COG8: variants seen among roughly 807,000 people sequenced by gnomAD.
COG8 encodes the protein component of oligomeric golgi complex 8.
In COG8, 45 loss-of-function variants were observed where a neutral mutation model predicts 46.5. The ratio of observed to expected loss-of-function variants is 0.97; its 90% CI spans 0.76 to 1.24. The LOEUF (loss-of-function observed/expected upper bound fraction) is 1.24. COG8 is among the 50% of genes most tolerant of loss of function. COG8 has a pLI of 0.00. For synonymous variants in COG8, 407 were observed against 347.8 expected, an observed-to-expected ratio of 1.17 and a Z score of -1.90; for missense variants, 793 against 820.8, an observed-to-expected ratio of 0.97 and a Z score of 0.41.
chr16:69,336,726 G>C lies in COG8; in HGVS notation c.378-14C>G. 6.2e-7 allele frequency: 1 copy of C among 1,611,044 alleles called. No homozygotes were observed. The highest frequency in any genetic ancestry group is 8.5e-7 in the Non-Finnish European group (1 of 1,177,416). On this transcript the variant is annotated splice_polypyrimidine_tract_variant and intron_variant, in intron 1 of 5. Coordinates refer to ENST00000306875, the MANE Select transcript of COG8 (RefSeq NM_032382.5). ...TTCACAAAGTTCCTAGTAATAATCA[G>C]AAGAATGTTGATCCTTCACTGCTCT...
rs1420474931 is a variant in COG8 at position 69,329,039 on chromosome 16, T to C, written c.*167A>G. On this transcript the variant is annotated 3_prime_UTR_variant, in exon 6 of 6. Transcript: ENST00000306875. ...GCAAAGCTTTAGTCATTCACCTTCA[T>C]CCAATAGACGTTTGTGAACGTCCTG... 2.5e-6 allele frequency: 4 copies of C among 1,610,056 alleles called. No individual in the cohort carries two copies. The South Asian group carries it at 4.4e-5, about 18-fold the overall frequency.
At position 69,330,827 on chromosome 16, in the gene COG8, AG is replaced by A; in HGVS notation, c.*11del. 6.5e-7 allele frequency: 1 copy of A among 1,532,766 alleles called. No homozygotes were observed. The highest frequency in any genetic ancestry group is 8.7e-7 in the Non-Finnish European group (1 of 1,143,862). 94.9% of individuals were successfully genotyped at this position (1,532,766 alleles called of 1,614,324 possible). A position where few individuals can be genotyped will look rare whatever the true frequency, so the allele number is the denominator to read the frequency against. ...ACCTCACGCACCGCGTTCTGGAGGC[AG>A]GGGACGCCGGCTAGGGCCCCACGCT... On this transcript the variant is annotated 3_prime_UTR_variant, in exon 5 of 6. Coordinates refer to ENST00000306875, the MANE Select transcript of COG8 (RefSeq NM_032382.5).
At position 69,328,028 on chromosome 16, in the gene COG8, A is replaced by G. The variant is rs1965657416; in HGVS notation, c.*1178T>C. 1 of 152,050 alleles carries G rather than the reference A, an allele frequency of 6.6e-6. No individual in the cohort carries two copies. Among genetic ancestry groups the G allele is most frequent in the South Asian group, 2.1e-4 (1 of 4,820 alleles). The allele number at this position is 152,050 out of a possible 1,614,324, so 9.4% of individuals were successfully genotyped here. On this transcript the variant is annotated 3_prime_UTR_variant, in exon 6 of 6. Coordinates refer to ENST00000306875, the MANE Select transcript of COG8 (RefSeq NM_032382.5). ...CAGTGGCGTGATCTCAGCTCACTGT[A>G]ACCTCCGCCTCCTGGGTTCAAGTAA...
At chr16:69,329,739 A>C (rs1254518504) in intron 5 of COG8, among the ~76,000 whole-genome samples, 1 of 152,200 alleles carries the variant, frequency 6.6e-6, no homozygotes, top group Non-Finnish European at 1.5e-5. Context: ...TGCCTCAGAG[A>C]GCAAGGGAGC....
At chr16:69,329,960 G>A in intron 5 of COG8, 2 of 1,495,468 alleles carry the variant, frequency 1.3e-6, no homozygotes, top group Non-Finnish European at 1.8e-6. Flanking sequence ...AGAGACGCGC[G>A]CGCTGCTCCA....
At chr16:69,329,244 A>AC in intron 5 of COG8, 65 bp from the exon 6 acceptor site, 2 of 1,448,004 alleles carry the variant, frequency 1.4e-6, no homozygotes, top group Non-Finnish European at 1.8e-6. Context: ...CAACCTCCCT[A>AC]CCCCTGCCCC....
intron 4 of COG8, among the ~76,000 whole-genome samples, chr16:69,331,527 C>G (rs1597221937): frequency 7.1e-6 from 1 of 141,664 alleles, no homozygotes; most frequent in Admixed American, 7.2e-5. Context: ...TTTTTTGAGA[C>G]AGTCTCGCTC....
intron 4 of COG8, among the ~76,000 whole-genome samples, chr16:69,331,548 G>T (rs969562859): frequency 6.7e-6 from 1 of 149,376 alleles, no homozygotes; most frequent in Admixed American, 6.7e-5. Flanking sequence ...TGTCGCCCAG[G>T]CTGGAGTGCA....
Position 69,336,655 on chromosome 16 carries a change from G to C in COG8, c.435C>G (p.Thr145=). 6.2e-7 allele frequency: 1 copy of C among 1,614,078 alleles called. No homozygotes were observed. The highest frequency in any genetic ancestry group is 1.3e-5 in the African/African-American group (1 of 75,004). ...ISSNRRMNSL[T]LNRHTEILEI... ...CCAAAATTTCTGTGTGCCGGTTTAG[G>C]GTCAGGCTATTCATCCGGCGGTTGG... is the stretch of plus-strand genomic sequence containing the variant. The change falls in exon 2 of 6, where the codon ACC becomes ACG. Residue 145 remains threonine (T), a synonymous_variant. Transcript: ENST00000306875.
Position 69,335,207 on chromosome 16 carries a change from A to T in COG8, c.727T>A (p.Leu243Met), listed in dbSNP as rs1451368258. 1 of 1,614,016 alleles carries T rather than the reference A, an allele frequency of 6.2e-7. No individual in the cohort carries two copies. Among genetic ancestry groups the T allele is most frequent in the Non-Finnish European group, 8.5e-7 (1 of 1,180,016 alleles). Residue 243 changes from leucine to methionine, a missense_variant, in exon 3 of 6, where the codon TTG becomes ATG. Coordinates refer to ENST00000306875, the MANE Select transcript of COG8 (RefSeq NM_032382.5). ...RRMDVFTEAE[L>M]RVKFLQARDA... Reference sequence around the variant, plus strand: ...CGGGCCTGAAGAAACTTCACCCTCAACTCAGCCTCAGTGAAGACGTCCATG... The same window carrying T: ...CGGGCCTGAAGAAACTTCACCCTCATCTCAGCCTCAGTGAAGACGTCCATG...
chr16:69,334,713 G>T lies in COG8; in HGVS notation c.1221C>A (p.Gly407=), dbSNP rs1187220607. ...YMLISAPAIL[G]TSNMPAAVPA... is the part of the protein sequence containing the mutation. ...GCACAGCAGCAGGCATGTTACTGGT[G>T]CCCAGGATGGCTGGAGCCGAGATGA... Residue 407 remains glycine, a synonymous_variant, in exon 3 of 6, where the codon GGC becomes GGA. Transcript: ENST00000306875. The T allele has an allele frequency of 1.2e-6, 2 of 1,614,200 alleles. No homozygotes were observed. Among genetic ancestry groups the T allele is most frequent in the Non-Finnish European group, 1.7e-6 (2 of 1,180,036 alleles).
At position 69,334,941 on chromosome 16, in the gene COG8, C is replaced by CT. The variant is rs2012110130; in HGVS notation, c.992dup (p.Thr332AspfsTer31). On this transcript the variant is annotated frameshift_variant, in exon 3 of 6. Coordinates refer to ENST00000306875, the MANE Select transcript of COG8 (RefSeq NM_032382.5). LOFTEE classifies it high-confidence loss of function. ...CGCCTATGCCCCGGTAAAGGTCGGTCTCCAGCACCTGCAGGAATTGTGAGA... is the reference window on the plus strand; with the variant it reads ...CGCCTATGCCCCGGTAAAGGTCGGTCTTCCAGCACCTGCAGGAATTGTGAGA... 6.2e-7 allele frequency: 1 copy of CT among 1,614,046 alleles called. No individual in the cohort carries two copies. Among genetic ancestry groups the CT allele is most frequent in the Non-Finnish European group, 8.5e-7 (1 of 1,180,048 alleles).
At chr16:69,330,653 A>AG in intron 5 of COG8, 160 bp downstream of exon 5, 1 of 1,405,586 alleles carries the variant, frequency 7.1e-7, no homozygotes. Flanking sequence ...GCCAGCACAC[A>AG]GCGAAGCCGC....
chr16:69,330,575 G>A (rs1260601235), intron 5 of COG8: 4 of 1,455,456 alleles, frequency 2.7e-6, no homozygotes, highest in Non-Finnish European at 3.6e-6. Context: ...GGCCATGGCG[G>A]CCCCCTTAAC....
At chr16:69,333,466 C>A (rs1343111640) in intron 3 of COG8, among the ~76,000 whole-genome samples, 1 of 152,200 alleles carries the variant, frequency 6.6e-6, no homozygotes, top group African/African-American at 2.4e-5. Context: ...CTGCGCCCGG[C>A]CCAATACATG....
chr16:69,331,778 G>A (rs1023030780), intron 4 of COG8, among the ~76,000 whole-genome samples: 1 of 152,108 alleles, frequency 6.6e-6, no homozygotes, highest in African/African-American at 2.4e-5. Flanking sequence ...TGGGATTACA[G>A]GCATGAGCCA....
rs563837263 is a variant in COG8, at chr16:69,332,180, G to C, written c.1582+534C>G. Among the ~76,000 whole-genome samples the C allele has an allele frequency of 2.6e-5, 4 of 152,142 alleles. No individual in the cohort carries two copies. In the South Asian group the frequency reaches 8.3e-4, roughly 32 times the overall value. ...ATCCTGGCCAACATGGTGAAACCCC[G>C]TCTCTACTAAAACACAAAAATTAGC... On this transcript the variant is annotated intron_variant, in intron 4 of 5. Coordinates refer to ENST00000306875, the MANE Select transcript of COG8 (RefSeq NM_032382.5).
At chr16:69,336,836 C>T in intron 1 of COG8, 124 bp from the exon 2 acceptor site, 1 of 858,370 alleles carries the variant, frequency 1.2e-6, no homozygotes, top group Non-Finnish European at 1.9e-6. Context: ...TCACACCCCA[C>T]CTATAAGGTA....
At chr16:69,338,382 T>C (rs535470454) in intron 1 of COG8, 6 of 152,372 alleles carry the variant, frequency 3.9e-5, no homozygotes, top group Non-Finnish European at 7.3e-5. Context: ...AGAGACTTTT[T>C]GATATCTGAT....
Sources: allele counts gnomAD v4.1 joint callset (sites outside exome capture counted in the v4.1 genomes callset), GRCh38; gene constraint gnomAD v4.1.1; transcripts MANE v1.5; gene names NCBI Gene and HGNC (gene_info 2026-07-23, HGNC 2026-07-21).